Variants in ATL1 observed in about 807,000 individuals in gnomAD.
The protein encoded by ATL1 is atlastin GTPase 1.
ATL1 carries 31 observed loss-of-function variants against 75.5 expected under a neutral mutation model. That is an observed-to-expected ratio of 0.41 (90% CI 0.31 to 0.55). The LOEUF is 0.55. Ranked by LOEUF, ATL1 falls within the 20% of genes least tolerant of loss-of-function variation. ATL1 has a pLI of 0.27. For synonymous variants in ATL1, 226 were observed against 233.3 expected, an observed-to-expected ratio of 0.97 and a Z score of 0.28; for missense variants, 405 against 662.6, an observed-to-expected ratio of 0.61 and a Z score of 4.27.
chr14:50,571,792 GTTTA>G (rs762947438), intron 1 of ATL1: 23 of 160,242 alleles, frequency 1.4e-4, no homozygotes, highest in Admixed American at 6.5e-4. Flanking sequence ...TATTACAAAA[GTTTA>G]TTTAACAAAA....
chr14:50,592,966 A>T (rs1399252602), intron 4 of ATL1, among the ~76,000 whole-genome samples: 1 of 124,248 alleles, frequency 8.0e-6, no homozygotes. Context: ...GTGTGTGTGT[A>T]AATTATATAT....
chr14:50,595,672 T>C lies in ATL1; in HGVS notation c.630+40T>C. 1.3e-6 allele frequency: 2 copies of C among 1,583,196 alleles called. 1 individual carries two copies. Among genetic ancestry groups the C allele is most frequent in the Non-Finnish European group, 1.7e-6 (2 of 1,151,916 alleles). On this transcript the variant is annotated intron_variant, in intron 6 of 13. Transcript: ENST00000358385. ...AATGATGGTAAATTCTTACTAGATT[T>C]TCCTGAAGACTGTAACCAGGTATAT... is the stretch of plus-strand genomic sequence containing the variant.
intron 13 of ATL1, chr14:50,631,040 C>T (rs1595627739): frequency 4.6e-6 from 2 of 435,214 alleles, no homozygotes; most frequent in Admixed American, 2.6e-5. Flanking sequence ...GGGCGGATCA[C>T]GTTAGGTCAG....
chr14:50,541,188 C>A (rs1028228161), intron 1 of ATL1, among the ~76,000 whole-genome samples: 1 of 152,184 alleles, frequency 6.6e-6, no homozygotes, highest in African/African-American at 2.4e-5. Flanking sequence ...ATTGTACTAC[C>A]TCAGGGATAT....
chr14:50,563,492 G>A (rs1179072904), intron 1 of ATL1, among the ~76,000 whole-genome samples: 2 of 152,084 alleles, frequency 1.3e-5, no homozygotes, highest in Non-Finnish European at 2.9e-5. Context: ...TTTCAGACAA[G>A]TTAGAAAGAA....
At chr14:50,621,192 C>T (rs569942733) in intron 9 of ATL1, among the ~76,000 whole-genome samples, 8 of 152,288 alleles carry the variant, frequency 5.3e-5, no homozygotes, top group African/African-American at 1.9e-4. Context: ...ACCTGTTTAC[C>T]TTCCTTAGAT....
At chr14:50,600,920 T>C (rs149710439) in intron 6 of ATL1, among the ~76,000 whole-genome samples, 1,592 of 152,008 alleles carry the variant, frequency 0.01, 30 homozygotes, top group African/African-American at 0.037. Flanking sequence ...CTGAGCAACA[T>C]AGTGAGACTC....
chr14:50,630,413 A>G (rs2039568785), intron 13 of ATL1, among the ~76,000 whole-genome samples: 1 of 152,242 alleles, frequency 6.6e-6, no homozygotes, highest in African/African-American at 2.4e-5. Flanking sequence ...GTTGTTTTCA[A>G]CTTTGGCTTT....
chr14:50,615,677 C>T (rs1306450664), intron 8 of ATL1, among the ~76,000 whole-genome samples: 1 of 152,120 alleles, frequency 6.6e-6, no homozygotes, highest in African/African-American at 2.4e-5. Context: ...GAATTCCAAC[C>T]CACTAGTGGA....
At chr14:50,616,463 T>G (rs918457184) in intron 8 of ATL1, among the ~76,000 whole-genome samples, 3 of 21,638 alleles carry the variant, frequency 1.4e-4, no homozygotes, top group Non-Finnish European at 1.6e-4. Context: ...CGGTTATTTA[T>G]TTATTTATTT....
At chr14:50,563,076 A>G (rs975994446) in intron 1 of ATL1, among the ~76,000 whole-genome samples, 6 of 152,332 alleles carry the variant, frequency 3.9e-5, no homozygotes, top group Non-Finnish European at 2.9e-5. Flanking sequence ...TTTATCTTCT[A>G]TCTCTTTGTT....
At chr14:50,624,885 C>A (rs1181643548) in intron 11 of ATL1, among the ~76,000 whole-genome samples, 1 of 151,906 alleles carries the variant, frequency 6.6e-6, no homozygotes, top group Non-Finnish European at 1.5e-5. Context: ...GCCTGGCCAA[C>A]ATGGTGAAAC....
At chr14:50,628,534 T>C in intron 12 of ATL1, 72 bp downstream of exon 12, 4 of 1,476,336 alleles carry the variant, frequency 2.7e-6, no homozygotes, top group Non-Finnish European at 3.7e-6. Context: ...GCCACTGCAT[T>C]AGATGTTGGA....
chr14:50,571,460 T>G (rs2038954626), intron 1 of ATL1, among the ~76,000 whole-genome samples: 1 of 152,220 alleles, frequency 6.6e-6, no homozygotes, highest in South Asian at 2.1e-4. Context: ...CAGAACTCTT[T>G]CCAGTCTCAC....
At chr14:50,586,256 A>G (rs905379011) in intron 1 of ATL1, among the ~76,000 whole-genome samples, 6 of 152,208 alleles carry the variant, frequency 3.9e-5, no homozygotes, top group Non-Finnish European at 5.9e-5. Flanking sequence ...GGCTGCTGTA[A>G]CAGAAAATCA....
chr14:50,573,264 T>C (rs1332358460), intron 1 of ATL1, among the ~76,000 whole-genome samples: 1 of 152,214 alleles, frequency 6.6e-6, no homozygotes, highest in Non-Finnish European at 1.5e-5. Flanking sequence ...TAATGTTTTG[T>C]TCTTGATTTC....
rs760145462 is a variant in ATL1, at chr14:50,620,695, T to C, written c.959T>C (p.Ile320Thr). 1 of 1,613,798 alleles carries C rather than the reference T, an allele frequency of 6.2e-7. No individual in the cohort carries two copies. The highest frequency in any genetic ancestry group is 1.1e-5 in the South Asian group (1 of 91,080). ...ATTAAAGAGATCAATGGGAATAAAA[T>C]CACCTGCCGGGGTCTGGTGGAGTAC... ...LDIKEINGNK[I>T]TCRGLVEYFK... Residue 320 changes from isoleucine (I) to threonine (T), a missense_variant, in exon 9 of 14, where the codon ATC (isoleucine) becomes ACC (threonine). Around this residue, in one of 5 missense-constraint regions of ATL1, gnomAD observed 56 missense variants for 66.6 expected, o/e 0.84. Transcript: ENST00000358385.
At position 50,591,710 on chromosome 14, in the gene ATL1, T is replaced by C. The variant is rs546750506; in HGVS notation, c.522+71T>C. Reference sequence around the variant, plus strand: ...ATGAGTATATGTGTTTCTACATACATGTTATAATTAGATAAACAACAGAAA... The same window carrying C: ...ATGAGTATATGTGTTTCTACATACACGTTATAATTAGATAAACAACAGAAA... On this transcript the variant is annotated intron_variant, in intron 4 of 13. Transcript: ENST00000358385. The C allele has an allele frequency of 1.1e-5, 12 of 1,076,484 alleles. No individual in the cohort carries two copies. In the South Asian group the frequency reaches 1.6e-4, roughly 14 times the overall value. 66.7% of individuals were successfully genotyped at this position (1,076,484 alleles called of 1,614,324 possible).
intron 1 of ATL1, among the ~76,000 whole-genome samples, chr14:50,575,043 T>TAGGA (rs1391832782): frequency 6.8e-6 from 1 of 148,148 alleles, no homozygotes; most frequent in Non-Finnish European, 1.5e-5. Context: ...GTCCTTGATT[T>TAGGA]AGGAAGGCTA....
Sources: allele counts gnomAD v4.1 joint callset (sites outside exome capture counted in the v4.1 genomes callset), GRCh38; gene constraint gnomAD v4.1.1; regional missense constraint gnomAD v4.1.1; transcripts MANE v1.5; gene names NCBI Gene and HGNC (gene_info 2026-07-23, HGNC 2026-07-21).